SPECC1L: variants seen among roughly 807,000 people sequenced by gnomAD.
SPECC1L encodes the protein sperm antigen with calponin homology and coiled-coil domains 1 like.
A neutral mutation model predicts 116.8 loss-of-function variants in SPECC1L; 40 were observed. That is an observed-to-expected ratio of 0.34 (90% CI 0.27 to 0.45). The LOEUF (loss-of-function observed/expected upper bound fraction) is 0.45, where lower values mean the gene tolerates loss of function less well. SPECC1L is among the 20% of genes least tolerant of loss of function. The pLI is 1.00. For synonymous variants in SPECC1L, 504 were observed against 500.6 expected (o/e 1.01, Z -0.09); for missense variants, 1,110 against 1,373.6 (o/e 0.81, Z 3.03).
chr22:24,390,945 G>A (rs1490439093), intron 14 of SPECC1L, among the ~76,000 whole-genome samples: 1 of 134,106 alleles, frequency 7.5e-6, no homozygotes, highest in African/African-American at 2.9e-5. Flanking sequence ...GAGCGATCTC[G>A]GCTCACTGCA....
chr22:24,292,201 C>G (rs1358798996), intron 2 of SPECC1L, among the ~76,000 whole-genome samples: 1 of 152,216 alleles, frequency 6.6e-6, no homozygotes, highest in African/African-American at 2.4e-5. Context: ...GTCCTCTAAT[C>G]AGGGTGGATC....
chr22:24,389,561 C>G (rs1387388349), intron 14 of SPECC1L, among the ~76,000 whole-genome samples: 4 of 149,770 alleles, frequency 2.7e-5, no homozygotes, highest in Non-Finnish European at 4.4e-5. Context: ...CCTCTTTGCT[C>G]TACTGCAGCC....
intron 12 of SPECC1L, among the ~76,000 whole-genome samples, chr22:24,363,844 A>G (rs575049503): frequency 6.8e-6 from 1 of 147,888 alleles, no homozygotes; most frequent in African/African-American, 2.5e-5. Flanking sequence ...GCATTGCTTT[A>G]CTAATGCAGA....
chr22:24,323,006 G>A (rs2040750998), intron 5 of SPECC1L, 88 bp downstream of exon 5: 3 of 1,545,882 alleles, frequency 1.9e-6, no homozygotes, highest in Non-Finnish European at 8.7e-7. Context: ...TACTGGTTTG[G>A]TTTGGTGTGT....
At chr22:24,386,145 T>A (rs1371739801) in intron 14 of SPECC1L, among the ~76,000 whole-genome samples, 1 of 151,450 alleles carries the variant, frequency 6.6e-6, no homozygotes, top group Non-Finnish European at 1.5e-5. Context: ...CAGAACAAAT[T>A]TCTAACAAAC....
intron 9 of SPECC1L, among the ~76,000 whole-genome samples, chr22:24,336,963 A>G (rs1292512621): frequency 6.6e-6 from 1 of 152,180 alleles, no homozygotes; most frequent in African/African-American, 2.4e-5. Context: ...ATGTTAGATG[A>G]TTTTGCCTAA....
intron 3 of SPECC1L, among the ~76,000 whole-genome samples, chr22:24,307,661 T>A (rs1446093773): frequency 6.6e-6 from 1 of 152,002 alleles, no homozygotes; most frequent in African/African-American, 2.4e-5. Flanking sequence ...GTTTAAGAAA[T>A]CTTAACCCAT....
chr22:24,379,406 C>T (rs575185763), intron 14 of SPECC1L, among the ~76,000 whole-genome samples: 195 of 151,982 alleles, frequency 1.3e-3, no homozygotes, highest in African/African-American at 4.5e-3. Flanking sequence ...AAAAAATTTA[C>T]TTCCTCTTGA....
chr22:24,331,436 TTC>T (rs1441753806), intron 8 of SPECC1L, among the ~76,000 whole-genome samples: 1 of 152,242 alleles, frequency 6.6e-6, no homozygotes, highest in Non-Finnish European at 1.5e-5. Context: ...CATTACTTTT[TTC>T]TCTTTATTAT....
At chr22:24,351,315 G>A (rs1183314503) in intron 11 of SPECC1L, among the ~76,000 whole-genome samples, 1 of 152,154 alleles carries the variant, frequency 6.6e-6, no homozygotes, top group Non-Finnish European at 1.5e-5. Context: ...GAATATTATT[G>A]GGCAAAGACT....
chr22:24,336,839 G>A (rs1218513087), intron 9 of SPECC1L, among the ~76,000 whole-genome samples: 1 of 152,122 alleles, frequency 6.6e-6, no homozygotes, highest in East Asian at 1.9e-4. Flanking sequence ...ACTTAACGAT[G>A]CTTTAACTTT....
At chr22:24,407,567 T>C (rs918326549) in intron 14 of SPECC1L, among the ~76,000 whole-genome samples, 1 of 152,162 alleles carries the variant, frequency 6.6e-6, no homozygotes, top group African/African-American at 2.4e-5. Flanking sequence ...GAAGGTTTGT[T>C]TTCCTCCAGA....
intron 11 of SPECC1L, among the ~76,000 whole-genome samples, chr22:24,349,022 G>C (rs1357596285): frequency 6.6e-6 from 1 of 151,842 alleles, no homozygotes; most frequent in Non-Finnish European, 1.5e-5. Context: ...TTCCTCTCCT[G>C]TGTGGCTTTT....
At chr22:24,351,972 G>GA (rs2041433759) in intron 11 of SPECC1L, among the ~76,000 whole-genome samples, 1 of 150,832 alleles carries the variant, frequency 6.6e-6, no homozygotes, top group Non-Finnish European at 1.5e-5. Context: ...CTGGGGAATA[G>GA]AGCGAGACTC....
At chr22:24,404,871 A>G (rs2042555575) in intron 14 of SPECC1L, among the ~76,000 whole-genome samples, 2 of 152,006 alleles carry the variant, frequency 1.3e-5, no homozygotes, top group African/African-American at 4.8e-5. Context: ...GCCCTTTCCC[A>G]CAGGCTGTCC....
At chr22:24,294,347 T>A (rs1309518199) in intron 2 of SPECC1L, among the ~76,000 whole-genome samples, 1 of 149,174 alleles carries the variant, frequency 6.7e-6, no homozygotes, top group Admixed American at 6.6e-5. Flanking sequence ...TCCTGTAGAC[T>A]GTGAACTCCT....
chr22:24,336,944 A>G (rs1244528350), intron 9 of SPECC1L, among the ~76,000 whole-genome samples: 1 of 152,226 alleles, frequency 6.6e-6, no homozygotes, highest in Non-Finnish European at 1.5e-5. Context: ...TTATTATAAA[A>G]TAGGCTTCAT....
chr22:24,314,794 A>T (rs1413091644), intron 4 of SPECC1L, among the ~76,000 whole-genome samples: 1 of 152,200 alleles, frequency 6.6e-6, no homozygotes, highest in East Asian at 1.9e-4. Context: ...AAAATACAAG[A>T]CTCCTTCATA....
chr22:24,338,607 G>A (rs2041110083), intron 10 of SPECC1L, 130 bp downstream of exon 10: 1 of 731,814 alleles, frequency 1.4e-6, no homozygotes, highest in African/African-American at 1.8e-5. Flanking sequence ...TCTAGAATTT[G>A]TTTCCTAAAA....
Sources: gnomAD v4.1 joint callset for allele counts (sites outside exome capture counted in the v4.1 genomes callset) on GRCh38, gnomAD v4.1.1 for gene constraint, MANE v1.5 for transcripts, NCBI Gene and HGNC (gene_info 2026-07-23, HGNC 2026-07-21) for gene names.